Variants in STPG2 observed in about 807,000 individuals in gnomAD.
STPG2 encodes the protein sperm tail PG-rich repeat containing 2, also known as sperm-tail PG-rich repeat-containing protein 2.
In STPG2, 56 loss-of-function variants were observed where a neutral mutation model predicts 54.2. The observed-to-expected ratio is 1.03, with a 90% CI of 0.83 to 1.29. The LOEUF (loss-of-function observed/expected upper bound fraction) is 1.29. STPG2 is among the 50% of genes most tolerant of loss of function. The pLI is 0.00. For synonymous variants in STPG2, 200 were observed against 181.8 expected, an observed-to-expected ratio of 1.10 and a Z score of -0.81; for missense variants, 596 against 544.9, an observed-to-expected ratio of 1.09 and a Z score of -0.93.
chr4:98,124,594 C>G (rs1485896363), intron 3 of STPG2, among the ~76,000 whole-genome samples: 1 of 152,178 alleles, frequency 6.6e-6, no homozygotes, highest in East Asian at 1.9e-4. Flanking sequence ...GCCTTTCTCT[C>G]TGACTGCCCC....
At chr4:97,662,305 A>G (rs1722396381) in intron 10 of STPG2, among the ~76,000 whole-genome samples, 1 of 152,178 alleles carries the variant, frequency 6.6e-6, no homozygotes, top group Non-Finnish European at 1.5e-5. Context: ...CATCAGATAA[A>G]TGCAAATCAA....
At chr4:97,988,026 TCACACACACACA>T (rs3047311) in intron 5 of STPG2, among the ~76,000 whole-genome samples, 26 of 141,608 alleles carry the variant, frequency 1.8e-4, no homozygotes, top group African/African-American at 3.4e-4. Flanking sequence ...GGTCTGAATG[TCACACACACACA>T]CACACACACA....
chr4:98,027,409 T>G (rs1344450443), intron 5 of STPG2, among the ~76,000 whole-genome samples: 2 of 152,092 alleles, frequency 1.3e-5, no homozygotes, highest in African/African-American at 4.8e-5. Flanking sequence ...CAACAGCAGC[T>G]CAAAGTCTGA....
intron 8 of STPG2, among the ~76,000 whole-genome samples, chr4:97,895,702 T>C (rs970076616): frequency 3.3e-5 from 5 of 151,806 alleles, no homozygotes; most frequent in African/African-American, 1.2e-4. Context: ...ATCAGTGAGA[T>C]TTCTTCTGGT....
intron 8 of STPG2, among the ~76,000 whole-genome samples, chr4:97,913,177 T>C (rs1731746680): frequency 6.6e-6 from 1 of 152,150 alleles, no homozygotes. Context: ...TGAAGGAGAA[T>C]AAATAAGCTG....
chr4:97,712,658 T>C (rs780991978), intron 10 of STPG2, 41 bp downstream of exon 10: 24 of 1,359,602 alleles, frequency 1.8e-5, no homozygotes, highest in Admixed American at 2.3e-5. Flanking sequence ...GGAAATTAAT[T>C]CTATTCTTGT....
chr4:97,653,115 GTAGA>G (rs372578737), intron 10 of STPG2, among the ~76,000 whole-genome samples: 5 of 144,838 alleles, frequency 3.5e-5, no homozygotes, highest in East Asian at 2.0e-4. Flanking sequence ...AGATAGATAG[GTAGA>G]TAGATAGATA....
At chr4:97,803,913 G>A (rs1727473884) in intron 9 of STPG2, among the ~76,000 whole-genome samples, 1 of 152,034 alleles carries the variant, frequency 6.6e-6, no homozygotes, top group Non-Finnish European at 1.5e-5. Context: ...TCAATTCTGT[G>A]GGCAAGAGCA....
At chr4:97,457,280 T>C (rs973287053) in intron 4 of STPG2, among the ~76,000 whole-genome samples, 1 of 152,244 alleles carries the variant, frequency 6.6e-6, no homozygotes, top group African/African-American at 2.4e-5. Context: ...TGAACACTTA[T>C]GTCTATTCAA....
chr4:97,572,630 C>G (rs1355445053), intron 10 of STPG2: 1 of 152,076 alleles, frequency 6.6e-6, no homozygotes, highest in Non-Finnish European at 1.5e-5. Flanking sequence ...CCCACATGAT[C>G]CCATGACTGC....
At chr4:97,952,464 TC>T (rs1578725955) in intron 7 of STPG2, among the ~76,000 whole-genome samples, 3 of 152,196 alleles carry the variant, frequency 2.0e-5, no homozygotes, top group African/African-American at 7.2e-5. Flanking sequence ...CCATGGAGCG[TC>T]CCCTTAATGT....
chr4:97,725,863 T>C (rs1724607138), intron 9 of STPG2, among the ~76,000 whole-genome samples: 1 of 151,868 alleles, frequency 6.6e-6, no homozygotes, highest in South Asian at 2.1e-4. Context: ...CTGTAGAACA[T>C]TAAGAAGTTT....
At chr4:98,096,414 A>T (rs1738861283) in intron 5 of STPG2, among the ~76,000 whole-genome samples, 1 of 152,090 alleles carries the variant, frequency 6.6e-6, no homozygotes, top group African/African-American at 2.4e-5. Flanking sequence ...AGAAAAAAAA[A>T]AATCTTGAAA....
chr4:97,753,173 C>G (rs1165834354), intron 9 of STPG2, among the ~76,000 whole-genome samples: 7 of 151,906 alleles, frequency 4.6e-5, no homozygotes, highest in Admixed American at 1.3e-4. Flanking sequence ...TCACCACCAC[C>G]ACTTCCCAAA....
Position 97,784,865 on chromosome 4 carries a change from G to A in STPG2, c.1204+55908C>T, listed in dbSNP as rs72879598. 3.5e-3 allele frequency among the ~76,000 whole-genome samples: 526 copies of A among 152,058 alleles called. 3 individuals are homozygous for A. The highest frequency in any genetic ancestry group is 0.012 in the African/African-American group (507 of 41,520). On this transcript the variant is annotated intron_variant, in intron 9 of 10. Transcript: ENST00000295268. ...AGTCTGTTCTCATACTGCTAATAAA[G>A]ATGTACCTGAGACTGAGAAGTCTTA...
At position 97,537,740 on chromosome 4, in the gene STPG2, T is replaced by G. The variant is rs867229202; in HGVS notation, c.462+174959A>C. 8.5e-5 allele frequency among the ~76,000 whole-genome samples: 13 copies of G among 152,324 alleles called. No individual in the cohort carries two copies. The South Asian group carries it at 2.1e-3, about 24-fold the overall frequency. On this transcript the variant is annotated intron_variant, in intron 4 of 4. Coordinates refer to the STPG2 transcript ENST00000522676. ...GCTTGAGATCTGAGAATGGACAGAC[T>G]GCCTCCTCAAGTGGGTCCCTGACCC...
intron 8 of STPG2, among the ~76,000 whole-genome samples, chr4:97,907,402 T>C (rs190698420): frequency 3.9e-5 from 6 of 152,362 alleles, no homozygotes; most frequent in Admixed American, 3.9e-4. Context: ...TCCATGTTCA[T>C]GGGTAGGAAG....
At chr4:97,961,752 G>T (rs1216069320) in intron 7 of STPG2, among the ~76,000 whole-genome samples, 1 of 152,112 alleles carries the variant, frequency 6.6e-6, no homozygotes, top group African/African-American at 2.4e-5. Flanking sequence ...CTTTTATACT[G>T]ATGGTCAGAA....
chr4:97,780,585 T>C lies in STPG2; in HGVS notation c.1204+60188A>G, dbSNP rs1323899623. 2.5e-5 allele frequency among the ~76,000 whole-genome samples: 3 copies of C among 120,464 alleles called. No homozygotes were observed. The East Asian group carries it at 7.1e-4, about 29-fold the overall frequency. 79.0% of individuals were successfully genotyped at this position (120,464 alleles called of 152,430 possible). On this transcript the variant is annotated intron_variant, in intron 9 of 10. Coordinates refer to ENST00000295268, the MANE Select transcript of STPG2 (RefSeq NM_174952.3). The stretch of plus-strand genomic sequence containing the variant: ...TCAGCTCTGCAACAAGTGGACCTAA[T>C]AGACATCTGCAGAATGCTCCACCCC...
Sources: gnomAD v4.1 joint callset for allele counts (sites outside exome capture counted in the v4.1 genomes callset) on GRCh38, gnomAD v4.1.1 for gene constraint, MANE v1.5 for transcripts, NCBI Gene and HGNC (gene_info 2026-07-23, HGNC 2026-07-21) for gene names.